Variants in ADARB2 observed in about 807,000 individuals in gnomAD.
ADARB2 encodes adenosine deaminase RNA specific B2 (inactive).
A neutral mutation model predicts 62.2 loss-of-function variants in ADARB2; 25 were observed. That is an observed-to-expected ratio of 0.40 (90% CI 0.29 to 0.56). The LOEUF (loss-of-function observed/expected upper bound fraction) is 0.56, where lower values mean the gene tolerates loss of function less well. ADARB2 is among the 20% of genes least tolerant of loss of function. The pLI is 0.43. For synonymous variants in ADARB2, 572 were observed against 500.8 expected (o/e 1.14, Z -1.90); for missense variants, 1,071 against 1,077.4 (o/e 0.99, Z 0.08).
In ADARB2 at chr10:1,217,080, T is replaced by A. The variant is rs1246098344; in HGVS notation, c.1553A>T (p.His518Leu). Reference protein sequence around the residue: ...SKHLVRKFRGHLRTKIESGEG... With the variant: ...SKHLVRKFRGLLRTKIESGEG... ...CCCGGACTCGATCTTGGTGCGCAGG[T>A]GCCCGCGGAACTTCCTGACGAGGTG... Residue 518 changes from histidine (H) to leucine (L), a missense_variant, in exon 7 of 10, where the codon CAC (histidine) becomes CTC (leucine). Coordinates refer to ENST00000381312, the MANE Select transcript of ADARB2 (RefSeq NM_018702.4). 1 of 1,607,146 alleles carries A rather than the reference T, an allele frequency of 6.2e-7. No homozygotes were observed. The highest frequency in any genetic ancestry group is 2.2e-5 in the East Asian group (1 of 44,566).
At chr10:1,527,884 A>G (rs1306386583) in intron 1 of ADARB2, among the ~76,000 whole-genome samples, 4 of 152,232 alleles carry the variant, frequency 2.6e-5, no homozygotes, top group Non-Finnish European at 5.9e-5. Flanking sequence ...GCTGTCATCA[A>G]CATTCATAAA....
At chr10:1,481,064 C>G (rs1831463912) in intron 1 of ADARB2, among the ~76,000 whole-genome samples, 1 of 152,164 alleles carries the variant, frequency 6.6e-6, no homozygotes. Flanking sequence ...TTCCTGACTT[C>G]AAAACGTACT....
chr10:1,416,524 C>A (rs773467282), intron 1 of ADARB2, among the ~76,000 whole-genome samples: 9 of 152,236 alleles, frequency 5.9e-5, no homozygotes, highest in Non-Finnish European at 8.8e-5. Context: ...TCTGTTGATT[C>A]ACAGCCTCCC....
At chr10:1,687,732 T>C (rs1377316142) in intron 1 of ADARB2, among the ~76,000 whole-genome samples, 1 of 151,820 alleles carries the variant, frequency 6.6e-6, no homozygotes, top group Non-Finnish European at 1.5e-5. Context: ...TGGAGACAGC[T>C]CAGCCGTGAA....
chr10:1,254,007 G>T (rs915127789), intron 4 of ADARB2, among the ~76,000 whole-genome samples: 5 of 151,746 alleles, frequency 3.3e-5, no homozygotes, highest in East Asian at 1.9e-4. Flanking sequence ...GTTAGAATAC[G>T]GTGGGCTATG....
intron 1 of ADARB2, among the ~76,000 whole-genome samples, chr10:1,583,100 G>A (rs938345549): frequency 6.6e-5 from 10 of 152,170 alleles, no homozygotes; most frequent in African/African-American, 2.2e-4. Flanking sequence ...GATTAAGGAC[G>A]AACAATTTTT....
chr10:1,581,079 C>T (rs1377645331), intron 1 of ADARB2, among the ~76,000 whole-genome samples: 2 of 152,232 alleles, frequency 1.3e-5, no homozygotes, highest in East Asian at 1.9e-4. Context: ...TGGGTAAATA[C>T]TCAGCGTGGA....
intron 1 of ADARB2, among the ~76,000 whole-genome samples, chr10:1,540,992 T>G (rs71500136): frequency 4.2e-3 from 73 of 17,306 alleles, no homozygotes; most frequent in South Asian, 7.3e-3. Flanking sequence ...CCACTCAGAC[T>G]CAGTTCAGAC....
intron 7 of ADARB2, among the ~76,000 whole-genome samples, chr10:1,205,869 C>T (rs184701701): frequency 2.6e-5 from 4 of 151,814 alleles, no homozygotes; most frequent in African/African-American, 4.8e-5. Context: ...TGGGGCAGCC[C>T]GCTGCGGCCA....
At chr10:1,583,880 G>A (rs1588311915) in intron 1 of ADARB2, among the ~76,000 whole-genome samples, 1 of 152,182 alleles carries the variant, frequency 6.6e-6, no homozygotes, top group Non-Finnish European at 1.5e-5. Flanking sequence ...CAGGGTTAGG[G>A]TTAAGGGTTG....
chr10:1,455,233 C>T (rs1485466815), intron 1 of ADARB2, among the ~76,000 whole-genome samples: 2 of 152,184 alleles, frequency 1.3e-5, no homozygotes, highest in African/African-American at 4.8e-5. Context: ...CTTCCCTGTT[C>T]TTTTGCCAGG....
At chr10:1,532,066 C>T (rs568731476) in intron 1 of ADARB2, among the ~76,000 whole-genome samples, 2 of 152,316 alleles carry the variant, frequency 1.3e-5, no homozygotes, top group South Asian at 2.1e-4. Context: ...TCCCTGGGCA[C>T]CCAGGCACTG....
At chr10:1,355,549 T>C (rs1390382951) in intron 3 of ADARB2, among the ~76,000 whole-genome samples, 1 of 152,264 alleles carries the variant, frequency 6.6e-6, no homozygotes, top group Non-Finnish European at 1.5e-5. Flanking sequence ...TATTAGCTGC[T>C]AATGGCACTG....
chr10:1,270,938 A>G lies in ADARB2; in HGVS notation c.1192+17T>C, dbSNP rs1282722622. On this transcript the variant is annotated intron_variant, in intron 4 of 9. Transcript: ENST00000381312. ...TTTAGAGATGAAAATGCCCACAGGA[A>G]AAGAGGAGGTGGCTACCTTTGGTCA... 3.7e-6 allele frequency: 6 copies of G among 1,609,622 alleles called. No homozygotes were observed. Among genetic ancestry groups the G allele is most frequent in the Non-Finnish European group, 5.1e-6 (6 of 1,176,748 alleles).
intron 1 of ADARB2, among the ~76,000 whole-genome samples, chr10:1,520,578 G>C (rs138713879): frequency 3.9e-5 from 6 of 152,266 alleles, no homozygotes; most frequent in African/African-American, 1.4e-4. Context: ...TAGATGTAGG[G>C]AACATTTGCT....
In ADARB2 at chr10:1,363,358, C is replaced by T. The variant is rs1471458945; in HGVS notation, c.747G>A (p.Ala249=). ...GRPGDAALLS[A]AYGRRRLLCR... ...ACAGCAGCCGCCGTCGCCCGTAGGC[C>T]GCGGACAGAAGCGCGGCGTCCCCGG... Residue 249 remains alanine (A), a synonymous_variant, in exon 3 of 10, where the codon GCG becomes GCA. Transcript: ENST00000381312. 3.5e-5 allele frequency: 45 copies of T among 1,298,490 alleles called. No homozygotes were observed. The highest frequency in any genetic ancestry group is 1.7e-4 in the Admixed American group (4 of 23,672). 80.4% of individuals were successfully genotyped at this position (1,298,490 alleles called of 1,614,324 possible).
intron 1 of ADARB2, among the ~76,000 whole-genome samples, chr10:1,696,194 G>GTT (rs764588060): frequency 6.6e-6 from 1 of 151,966 alleles, no homozygotes; most frequent in East Asian, 1.9e-4. Flanking sequence ...ATGCATATAT[G>GTT]TGTCACGTTT....
chr10:1,604,357 G>A (rs983741053), intron 1 of ADARB2, among the ~76,000 whole-genome samples: 2 of 152,172 alleles, frequency 1.3e-5, no homozygotes, highest in African/African-American at 4.8e-5. Context: ...GACGTTGACT[G>A]TTTCTAGAAG....
chr10:1,230,026 G>C (rs1435946065), intron 6 of ADARB2, among the ~76,000 whole-genome samples: 1 of 152,206 alleles, frequency 6.6e-6, no homozygotes, highest in Non-Finnish European at 1.5e-5. Flanking sequence ...GTGCTGGTGA[G>C]AGGAGACATG....
Sources: gnomAD v4.1 joint callset for allele counts (sites outside exome capture counted in the v4.1 genomes callset) on GRCh38, gnomAD v4.1.1 for gene constraint, MANE v1.5 for transcripts, NCBI Gene and HGNC (gene_info 2026-07-23, HGNC 2026-07-21) for gene names.